Variants in ATP10A observed in about 807,000 individuals in gnomAD.
ATP10A encodes phospholipid-transporting ATPase VA.
A neutral mutation model predicts 147.8 loss-of-function variants in ATP10A; 111 were observed. That is an observed-to-expected ratio of 0.75 (90% confidence interval 0.64 to 0.88). ATP10A has a LOEUF of 0.88. Ranked by LOEUF, ATP10A falls within the 40% of genes least tolerant of loss-of-function variation. ATP10A has a pLI of 0.00. For missense variants in ATP10A, 1,927 were observed against 1,959.0 expected (o/e 0.98, Z 0.31); for synonymous variants, 875 against 841.6 (o/e 1.04, Z -0.69).
rs34133892 is a variant in ATP10A at position 25,725,638 on chromosome 15, CT to C, written c.979+312del. ...CTGGAGCCCACTCATTTCTTTCTTT[CT>C]TTTTTTTTTTTTGGAAACAGAATCT... is the stretch of plus-strand genomic sequence containing the variant. On this transcript the variant is annotated intron_variant, in intron 5 of 20. Coordinates refer to ENST00000555815, the MANE Select transcript of ATP10A (RefSeq NM_024490.4). 2.7e-3 allele frequency among the ~76,000 whole-genome samples: 397 copies of C among 144,480 alleles called. 1 individual carries two copies. Among genetic ancestry groups the C allele is most frequent in the Middle Eastern group, 7.3e-3 (2 of 274 alleles). 94.8% of individuals were successfully genotyped at this position (144,480 alleles called of 152,430 possible).
At chr15:25,810,408 G>A (rs1199009170) in intron 1 of ATP10A, among the ~76,000 whole-genome samples, 3 of 152,194 alleles carry the variant, frequency 2.0e-5, no homozygotes, top group Non-Finnish European at 4.4e-5. Context: ...TTCCAGCCCA[G>A]CCCGAGGTTC....
chr15:25,862,486 T>C (rs1041072425), intron 1 of ATP10A, 162 bp downstream of exon 1: 3 of 891,262 alleles, frequency 3.4e-6, no homozygotes, highest in African/African-American at 1.7e-5. Flanking sequence ...GGCGGCGCTG[T>C]GGCTTCGGTC....
At chr15:25,687,555 G>T in intron 16 of ATP10A, 148 bp downstream of exon 16, 4 of 567,338 alleles carry the variant, frequency 7.1e-6, no homozygotes, top group Non-Finnish European at 5.2e-6. Flanking sequence ...GCCAGCCCAG[G>T]ACAGGGGACA....
rs1567293042 is a variant in ATP10A, at chr15:25,679,503, C to A, written c.4338G>T (p.Leu1446=). The A allele has an allele frequency of 1.2e-6, 2 of 1,613,820 alleles. No homozygotes were observed. The highest frequency in any genetic ancestry group is 4.5e-5 in the East Asian group (2 of 44,858). The change falls in exon 21 of 21, where the codon CTG becomes CTT. Residue 1446 remains leucine, a synonymous_variant. Transcript: ENST00000555815. ...GTAAGACACTCCCCAGCCTGCTGAC[C>A]AGCGACCAGGAGGAAATCCAGTTGA... is the stretch of plus-strand genomic sequence containing the variant. The part of the protein sequence containing the change: ...SLLNWISSWS[L]VSRLGSVLQF...
At position 25,725,952 on chromosome 15, in the gene ATP10A, G is replaced by A. The variant is rs1282420513; in HGVS notation, c.978C>T (p.Val326=). 13 of 1,612,510 alleles carry A rather than the reference G, an allele frequency of 8.1e-6. No homozygotes were observed. Among genetic ancestry groups the A allele is most frequent in the South Asian group, 2.2e-5 (2 of 90,954 alleles). The stretch of plus-strand genomic sequence containing the variant: ...TTCCGATCCATCTAGGAGACTTACC[G>A]ACTGCTGAAAACAGAGACATGCAAA... The part of the protein sequence containing the change: ...LLVCMSLFSA[V]GHGLWIWRYQ... Residue 326 remains valine, a splice_region_variant and synonymous_variant, in exon 5 of 21, where the codon GTC becomes GTT. Coordinates refer to ENST00000555815, the MANE Select transcript of ATP10A (RefSeq NM_024490.4).
chr15:25,745,352 C>CAA (rs1046977545), intron 2 of ATP10A, among the ~76,000 whole-genome samples: 1 of 118,558 alleles, frequency 8.4e-6, no homozygotes, highest in African/African-American at 3.1e-5. Flanking sequence ...GAATCCGTCT[C>CAA]AAAAAAAAAA....
intron 1 of ATP10A, among the ~76,000 whole-genome samples, chr15:25,860,395 A>G (rs1271668423): frequency 1.3e-5 from 2 of 152,116 alleles, no homozygotes; most frequent in African/African-American, 4.8e-5. Flanking sequence ...GACATGCCCT[A>G]TGGTGCCATC....
At chr15:25,752,180 A>T (rs1362379128) in intron 2 of ATP10A, among the ~76,000 whole-genome samples, 1 of 152,198 alleles carries the variant, frequency 6.6e-6, no homozygotes, top group African/African-American at 2.4e-5. Flanking sequence ...AAAAGATTTG[A>T]AATCAGTTTG....
intron 1 of ATP10A, among the ~76,000 whole-genome samples, chr15:25,816,803 T>C (rs941720090): frequency 1.2e-4 from 19 of 152,210 alleles, no homozygotes; most frequent in African/African-American, 4.6e-4. Flanking sequence ...AGATCTCCAC[T>C]TTTAATGTAT....
intron 3 of ATP10A, among the ~76,000 whole-genome samples, chr15:25,728,690 C>T (rs368996687): frequency 1.8e-4 from 27 of 152,306 alleles, no homozygotes; most frequent in Middle Eastern, 3.4e-3. Context: ...TAAGGACAAA[C>T]GATAAACTTT....
In ATP10A at chr15:25,714,143, G is replaced by A. The variant is rs774464207; in HGVS notation, c.1875C>T (p.Ile625=). 9.9e-6 allele frequency: 16 copies of A among 1,611,478 alleles called. No individual in the cohort carries two copies. The Middle Eastern group carries it at 6.6e-4, about 66-fold the overall frequency. ...TGGACTTGTTGGCGGCCAGGCTCCCGATGCTGCTGCAGCCTGAGGTCAGGC... is the reference window on the plus strand; with the variant it reads ...TGGACTTGTTGGCGGCCAGGCTCCCAATGCTGCTGCAGCCTGAGGTCAGGC... ...PSCLTSGCSS[I]GSLAANKSSH... is the part of the protein sequence containing the mutation. Residue 625 remains isoleucine (I), a synonymous_variant, in exon 10 of 21, where the codon ATC becomes ATT. Transcript: ENST00000555815.
chr15:25,699,870 A>G (rs567987808), intron 13 of ATP10A, among the ~76,000 whole-genome samples: 7 of 152,312 alleles, frequency 4.6e-5, no homozygotes, highest in Non-Finnish European at 8.8e-5. Flanking sequence ...CTCATCTCCA[A>G]AAAGATAAAA....
chr15:25,823,715 T>C (rs530352554), intron 1 of ATP10A, among the ~76,000 whole-genome samples: 21 of 152,358 alleles, frequency 1.4e-4, no homozygotes, highest in Non-Finnish European at 2.6e-4. Flanking sequence ...TAGCATAACA[T>C]TGCCCACAAC....
At chr15:25,680,033 T>C (rs2140273057) in intron 20 of ATP10A, 59 bp from the exon 21 acceptor site, 4 of 1,579,656 alleles carry the variant, frequency 2.5e-6, no homozygotes, top group Non-Finnish European at 3.5e-6. Flanking sequence ...GTCTTTGAGC[T>C]TCCAGAGACC....
chr15:25,706,881 C>A (rs1901058331), intron 12 of ATP10A, among the ~76,000 whole-genome samples: 1 of 152,176 alleles, frequency 6.6e-6, no homozygotes, highest in Admixed American at 6.5e-5. Context: ...CCTCCTACCC[C>A]ACAGGCCTGC....
chr15:25,813,045 C>T (rs541061901), intron 1 of ATP10A, among the ~76,000 whole-genome samples: 4 of 152,294 alleles, frequency 2.6e-5, no homozygotes, highest in South Asian at 2.1e-4. Flanking sequence ...CACGGAGACA[C>T]GGGCAGATGA....
At chr15:25,683,845 G>A (rs1356318340) in intron 16 of ATP10A, 1 of 234,002 alleles carries the variant, frequency 4.3e-6, no homozygotes, top group Non-Finnish European at 8.5e-6. Flanking sequence ...TTTCAAGAGG[G>A]CCAGTTGAGT....
intron 1 of ATP10A, among the ~76,000 whole-genome samples, chr15:25,840,964 T>A (rs533547735): frequency 1.4e-3 from 208 of 152,350 alleles, no homozygotes; most frequent in African/African-American, 3.8e-3. Flanking sequence ...ATGTCTCATG[T>A]CTTGCCCATT....
intron 1 of ATP10A, among the ~76,000 whole-genome samples, chr15:25,855,367 C>T (rs1365934360): frequency 6.6e-6 from 1 of 152,110 alleles, no homozygotes; most frequent in Non-Finnish European, 1.5e-5. Flanking sequence ...ATTAATTGAA[C>T]TACACATAAA....
Sources: gnomAD v4.1 joint callset for allele counts (sites outside exome capture counted in the v4.1 genomes callset) on GRCh38, gnomAD v4.1.1 for gene constraint, MANE v1.5 for transcripts, NCBI Gene and HGNC (gene_info 2026-07-23, HGNC 2026-07-21) for gene names.